CREB1: variants seen among roughly 807,000 people sequenced by gnomAD.
The protein encoded by CREB1 is cyclic AMP-responsive element-binding protein 1.
In CREB1, 2 loss-of-function variants were observed where a neutral mutation model predicts 42.0. The observed-to-expected ratio is 0.05, with a 90% confidence interval of 0.02 to 0.15. The LOEUF (loss-of-function observed/expected upper bound fraction) is 0.15, where lower values mean the gene tolerates loss of function less well. CREB1 is among the 10% of genes least tolerant of loss of function. The probability of loss-of-function intolerance (pLI) is 1.00; values close to 1 mark genes in which losing one functional copy is unlikely to be tolerated. For missense variants in CREB1, 199 were observed against 388.9 expected (o/e 0.51, Z 4.11); for synonymous variants, 123 against 139.9 (o/e 0.88, Z 0.85).
At chr2:207,574,056 C>G (rs1046911710) in intron 5 of CREB1, among the ~76,000 whole-genome samples, 5 of 152,208 alleles carry the variant, frequency 3.3e-5, no homozygotes, top group Admixed American at 3.3e-4. Flanking sequence ...TATATGCCAG[C>G]ATTTTAATTT....
Position 207,605,646 on chromosome 2 carries a change from T to G in CREB1, c.*8588T>G, listed in dbSNP as rs1387674881. Among the ~76,000 whole-genome samples, 1 of 152,172 alleles carries G rather than the reference T, an allele frequency of 6.6e-6. No individual in the cohort carries two copies. Among genetic ancestry groups the G allele is most frequent in the Admixed American group, 6.5e-5 (1 of 15,276 alleles). On this transcript the variant is annotated 3_prime_UTR_variant, in exon 8 of 8. Transcript: ENST00000353267. ...TGTTCTCTCCTCCTCCCTCTCCCTT[T>G]TTTTACACAAAAGGTAGGTACAAAC...
At chr2:207,545,810 T>C (rs557043927) in intron 1 of CREB1, among the ~76,000 whole-genome samples, 1 of 151,690 alleles carries the variant, frequency 6.6e-6, no homozygotes, top group South Asian at 2.1e-4. Context: ...CTCGGCTCAC[T>C]GCAACCTCTG....
At chr2:207,544,284 A>G (rs2081217130) in intron 1 of CREB1, among the ~76,000 whole-genome samples, 1 of 152,214 alleles carries the variant, frequency 6.6e-6, no homozygotes, top group Non-Finnish European at 1.5e-5. Flanking sequence ...AAGATCATGA[A>G]AAAATACATT....
rs1189748454 is a variant in CREB1 at position 207,602,914 on chromosome 2, TC to T, written c.*5857del. 8 of 216,328 alleles carry T rather than the reference TC, an allele frequency of 3.7e-5. No homozygotes were observed. The highest frequency in any genetic ancestry group is 1.7e-4 in the Admixed American group (3 of 17,162). 13.4% of individuals were successfully genotyped at this position (216,328 alleles called of 1,614,324 possible). On this transcript the variant is annotated 3_prime_UTR_variant, in exon 8 of 8. Transcript: ENST00000353267. ...CCCACTCCCTGCAAAAGGAATTATTTCTAACCCAGATGTATCACTTGAAACT... is the reference window on the plus strand; with the variant it reads ...CCCACTCCCTGCAAAAGGAATTATTTTAACCCAGATGTATCACTTGAAACT...
intron 7 of CREB1, among the ~76,000 whole-genome samples, chr2:207,596,331 G>T (rs968676985): frequency 2.6e-5 from 4 of 152,336 alleles, no homozygotes; most frequent in Admixed American, 1.3e-4. Context: ...TATTGATATG[G>T]ATAGAATTTC....
Position 207,602,463 on chromosome 2 carries a change from G to A in CREB1, c.*5405G>A, listed in dbSNP as rs751593213. 10 of 202,162 alleles carry A rather than the reference G, an allele frequency of 4.9e-5. No homozygotes were observed. Among genetic ancestry groups the A allele is most frequent in the Non-Finnish European group, 1.0e-4 (10 of 98,512 alleles). 12.5% of individuals were successfully genotyped at this position (202,162 alleles called of 1,614,324 possible). ...TGTCTTTGAAAAGGATCAAAGAGTA[G>A]GAAATTCACATTTGACCTAACATTA... is the stretch of plus-strand genomic sequence containing the variant. On this transcript the variant is annotated 3_prime_UTR_variant, in exon 8 of 8. Transcript: ENST00000353267.
At chr2:207,589,867 G>C (rs982913528) in intron 7 of CREB1, among the ~76,000 whole-genome samples, 1 of 152,088 alleles carries the variant, frequency 6.6e-6, no homozygotes, top group Admixed American at 6.6e-5. Context: ...TTTTGTTGAG[G>C]ATTTTTATGT....
At chr2:207,556,241 ATTCT>A (rs1163309906) in intron 2 of CREB1, among the ~76,000 whole-genome samples, 1 of 152,112 alleles carries the variant, frequency 6.6e-6, no homozygotes, top group East Asian at 1.9e-4. Flanking sequence ...ATAATTTCTG[ATTCT>A]TTCATTTCAT....
chr2:207,554,003 T>A (rs2081618291), intron 1 of CREB1, among the ~76,000 whole-genome samples: 1 of 152,192 alleles, frequency 6.6e-6, no homozygotes. Flanking sequence ...ATGGTTCTCT[T>A]AATGATGGAT....
chr2:207,564,849 A>G (rs988859874), intron 3 of CREB1, among the ~76,000 whole-genome samples: 1 of 152,192 alleles, frequency 6.6e-6, no homozygotes, highest in Admixed American at 6.5e-5. Flanking sequence ...TATTTAAGGA[A>G]TTCAGAAAGA....
Position 207,596,899 on chromosome 2 carries a change from C to T in CREB1, c.840-15C>T, listed in dbSNP as rs1226211478. The T allele has an allele frequency of 2.5e-6, 4 of 1,579,394 alleles. No individual in the cohort carries two copies. Among genetic ancestry groups the T allele is most frequent in the African/African-American group, 1.5e-5 (1 of 67,952 alleles). ...AATCATTTGCATAATTTTTCCCGTC[C>T]TCTTTTGCTTGTAGGGAAGCAGCTC... is the stretch of plus-strand genomic sequence containing the variant. On this transcript the variant is annotated splice_polypyrimidine_tract_variant and intron_variant, in intron 7 of 7. Transcript: ENST00000353267.
chr2:207,556,115 A>G (rs2081710118), intron 2 of CREB1, among the ~76,000 whole-genome samples: 5 of 152,162 alleles, frequency 3.3e-5, no homozygotes, highest in Admixed American at 2.0e-4. Context: ...GGGAATGCAG[A>G]TAATATGAAA....
chr2:207,536,849 G>A (rs2080893699), intron 1 of CREB1, among the ~76,000 whole-genome samples: 1 of 151,768 alleles, frequency 6.6e-6, no homozygotes, highest in Non-Finnish European at 1.5e-5. Flanking sequence ...AATTATCTGG[G>A]TATAGTTGTA....
intron 1 of CREB1, among the ~76,000 whole-genome samples, chr2:207,543,943 G>C (rs540013414): frequency 6.7e-6 from 1 of 148,958 alleles, no homozygotes; most frequent in African/African-American, 2.5e-5. Context: ...TTTTTGAGAC[G>C]AGGTCTCGCT....
At chr2:207,563,839 G>T (rs942277528) in intron 3 of CREB1, among the ~76,000 whole-genome samples, 2 of 152,124 alleles carry the variant, frequency 1.3e-5, no homozygotes, top group Non-Finnish European at 2.9e-5. Context: ...AGCTACTCGG[G>T]AGGCTAAGGC....
At chr2:207,576,240 G>A (rs1308508657) in intron 6 of CREB1, among the ~76,000 whole-genome samples, 3 of 81,992 alleles carry the variant, frequency 3.7e-5, no homozygotes, top group African/African-American at 1.3e-4. Flanking sequence ...GCTTTTTTTG[G>A]CTTTTTTTTT....
At chr2:207,564,728 G>A (rs752318751) in intron 3 of CREB1, among the ~76,000 whole-genome samples, 1 of 151,936 alleles carries the variant, frequency 6.6e-6, no homozygotes, top group African/African-American at 2.4e-5. Context: ...AGGTAGTATG[G>A]GTTTTAAATA....
chr2:207,549,727 T>C (rs2081427065), intron 1 of CREB1, among the ~76,000 whole-genome samples: 1 of 152,104 alleles, frequency 6.6e-6, no homozygotes, highest in South Asian at 2.1e-4. Context: ...CTCACACCTG[T>C]AGTCCCAACA....
rs149383431 is a variant in CREB1, at chr2:207,592,249, T to C, written c.840-4665T>C. Among the ~76,000 whole-genome samples, 1,308 of 151,476 alleles carry C rather than the reference T, an allele frequency of 8.6e-3. 19 individuals carry two copies. Among genetic ancestry groups the C allele is most frequent in the African/African-American group, 0.03 (1,247 of 41,298 alleles). ...GGTGAAACCCTCTCTCTACTAAAAA[T>C]ACAAAAAATGAGCTGGGCGTGGTGG... On this transcript the variant is annotated intron_variant, in intron 7 of 7. Coordinates refer to ENST00000353267, the MANE Select transcript of CREB1 (RefSeq NM_004379.5).
Sources: gnomAD v4.1 joint callset for allele counts (sites outside exome capture counted in the v4.1 genomes callset) on GRCh38, gnomAD v4.1.1 for gene constraint, MANE v1.5 for transcripts, NCBI Gene and HGNC (gene_info 2026-07-23, HGNC 2026-07-21) for gene names.